Variants in RNASEH1 observed in about 807,000 individuals in gnomAD.
The protein encoded by RNASEH1 is ribonuclease H type II.
In RNASEH1, 27 loss-of-function variants were observed where a neutral mutation model predicts 34.6. The observed-to-expected ratio is 0.78, with a 90% CI of 0.58 to 1.08. The LOEUF (loss-of-function observed/expected upper bound fraction) is 1.08. Ranked by LOEUF, RNASEH1 falls within the 50% of genes least tolerant of loss-of-function variation. The pLI is 0.00. For synonymous variants in RNASEH1, 162 were observed against 138.4 expected (o/e 1.17, Z -1.20); for missense variants, 349 against 373.6 (o/e 0.93, Z 0.54).
intron 4 of RNASEH1, 70 bp downstream of exon 4, chr2:3,550,296 ACAATGAG>A: frequency 8.2e-7 from 1 of 1,222,734 alleles, no homozygotes. Context: ...CAATAATCAA[ACAATGAG>A]CAGATCCCGC....
rs1449205532 is a variant in RNASEH1, at chr2:3,556,769, C to G, written c.244+20G>C. On this transcript the variant is annotated intron_variant, in intron 2 of 7. Coordinates refer to ENST00000315212, the MANE Select transcript of RNASEH1 (RefSeq NM_002936.6). ...CCTTTGAATAGGTTAAAATGTCACA[C>G]TGATATGAGAGGTGACTACCTTCTG... The G allele has an allele frequency of 5.2e-6, 8 of 1,528,798 alleles. No individual in the cohort carries two copies. Among genetic ancestry groups the G allele is most frequent in the Non-Finnish European group, 7.3e-6 (8 of 1,102,230 alleles). The allele number at this position is 1,528,798 out of a possible 1,614,324, so 94.7% of individuals were successfully genotyped here. A position where few individuals can be genotyped will look rare whatever the true frequency, so the allele number is the denominator to read the frequency against.
rs1285400888 is a variant in RNASEH1 at position 3,544,755 on chromosome 2, A to T, written c.*1030T>A. 1.3e-5 allele frequency: 2 copies of T among 152,174 alleles called. No homozygotes were observed. The highest frequency in any genetic ancestry group is 3.9e-4 in the East Asian group (2 of 5,174). The allele number at this position is 152,174 out of a possible 1,614,324, so 9.4% of individuals were successfully genotyped here. On this transcript the variant is annotated 3_prime_UTR_variant, in exon 8 of 8. Coordinates refer to ENST00000315212, the MANE Select transcript of RNASEH1 (RefSeq NM_002936.6). Reference sequence around the variant, plus strand: ...AATAAAAAGGTTTAAAACTAAATAAATAATCATGTCAAACTTTTACTACTT... The same window carrying T: ...AATAAAAAGGTTTAAAACTAAATAATTAATCATGTCAAACTTTTACTACTT...
chr2:3,553,660 G>A (rs1028738733), intron 2 of RNASEH1, among the ~76,000 whole-genome samples: 7 of 152,142 alleles, frequency 4.6e-5, no homozygotes, highest in South Asian at 2.1e-4. Flanking sequence ...ACAGTGCTGG[G>A]ATTACAGGCG....
the RNASEH1 span, chr2:3,533,041 C>T: frequency 6.6e-6 from 1 of 152,252 alleles, no homozygotes; most frequent in African/African-American, 2.4e-5. Context: ...AAAATGTCAC[C>T]CGGGCCTTTT....
chr2:3,552,149 T>A lies in RNASEH1; in HGVS notation c.404A>T (p.Tyr135Phe). Residue 135 changes from tyrosine to phenylalanine, a missense_variant, in exon 3 of 8, where the codon TAC becomes TTC. By Grantham distance (22) the Tyr-to-Phe change is conservative. This residue lies in a region of RNASEH1 where 256 missense variants were observed against 240.7 expected (regional missense o/e 1.06). Coordinates refer to ENST00000315212, the MANE Select transcript of RNASEH1 (RefSeq NM_002936.6). Reference protein sequence around the residue: ...APPVSRDTFSYMGDFVVVYTD... With the variant: ...APPVSRDTFSFMGDFVVVYTD... ...AAAACCCAAGGAAGATGTACCCATGTAGGAAAACGTGTCTCTGCTAACTGG... is the reference window on the plus strand; with the variant it reads ...AAAACCCAAGGAAGATGTACCCATGAAGGAAAACGTGTCTCTGCTAACTGG... The A allele has an allele frequency of 6.2e-7, 1 of 1,608,404 alleles. No individual in the cohort carries two copies. The highest frequency in any genetic ancestry group is 8.5e-7 in the Non-Finnish European group (1 of 1,178,764).
chr2:3,539,290 C>T (rs1668162940), downstream of RNASEH1, among the ~76,000 whole-genome samples: 2 of 152,168 alleles, frequency 1.3e-5, no homozygotes, highest in East Asian at 1.9e-4. Flanking sequence ...CTGTCAGCTG[C>T]GGGCAGAGAC....
intron 6 of RNASEH1, 47 bp downstream of exon 6, chr2:3,548,593 C>T (rs748892766): frequency 1.2e-5 from 16 of 1,317,786 alleles, no homozygotes; most frequent in Non-Finnish European, 1.6e-5. Flanking sequence ...ACCAATTTCC[C>T]TTCACAGTTA....
chr2:3,549,091 A>T lies in RNASEH1; in HGVS notation c.531T>A (p.Pro177=). 6.2e-7 allele frequency: 1 copy of T among 1,613,728 alleles called. No homozygotes were observed. The change falls in exon 5 of 8, where the codon CCT becomes CCA. Residue 177 remains proline, a synonymous_variant. Coordinates refer to ENST00000315212, the MANE Select transcript of RNASEH1 (RefSeq NM_002936.6). Reference sequence around the variant, plus strand: ...CCGCTCTTTGGTTTGTCTGCCGCCCAGGAAGTCTAATGCCTACATTTCTGT... The same window carrying T: ...CCGCTCTTTGGTTTGTCTGCCGCCCTGGAAGTCTAATGCCTACATTTCTGT... ...GHPLNVGIRL[P]GRQTNQRAEI...
Position 3,552,454 on chromosome 2 carries a change from A to G in RNASEH1, c.245-146T>C, listed in dbSNP as rs541272491. The G allele has an allele frequency of 4.8e-5, 35 of 726,146 alleles. No homozygotes were observed. In the African/African-American group the frequency reaches 5.5e-4, roughly 11 times the overall value. 45.0% of individuals were successfully genotyped at this position (726,146 alleles called of 1,614,324 possible). ...ATGTGGCCCTACAACGAGGGAAACG[A>G]GGGAATGACCCCCTCCACGCCATCT... On this transcript the variant is annotated intron_variant, in intron 2 of 7. Transcript: ENST00000315212.
At chr2:3,535,637 T>TG in the RNASEH1 span, among the ~76,000 whole-genome samples, 1 of 147,292 alleles carries the variant, frequency 6.8e-6, no homozygotes, top group African/African-American at 2.5e-5. Flanking sequence ...AGGTGAGGTG[T>TG]GGGGTGGGGA....
chr2:3,549,337 G>T (rs1358978474), intron 4 of RNASEH1, among the ~76,000 whole-genome samples: 1 of 152,212 alleles, frequency 6.6e-6, no homozygotes, highest in Admixed American at 6.5e-5. Context: ...GTAAAAGCTG[G>T]TTCTCTGCGG....
chr2:3,548,968 G>T, intron 5 of RNASEH1, 90 bp downstream of exon 5: 2 of 1,066,986 alleles, frequency 1.9e-6, no homozygotes, highest in Non-Finnish European at 2.9e-6. Context: ...TATCTTATAT[G>T]TATAGGTAGA....
In RNASEH1 at chr2:3,548,516, C is replaced by T. The variant is rs963268074; in HGVS notation, c.649+124G>A. 3.0e-5 allele frequency: 19 copies of T among 631,132 alleles called. No homozygotes were observed. In the African/African-American group the frequency reaches 3.1e-4, roughly 10 times the overall value. The allele number at this position is 631,132 out of a possible 1,614,324, so 39.1% of individuals were successfully genotyped here. A position where few individuals can be genotyped will look rare whatever the true frequency, so the allele number is the denominator to read the frequency against. On this transcript the variant is annotated intron_variant, in intron 6 of 7. Transcript: ENST00000315212. ...GACTCCAAAATCCTCACTCTTTGCT[C>T]GGTACCTGACAAACCAATGTCATCC... is the stretch of plus-strand genomic sequence containing the variant.
chr2:3,554,633 T>C (rs1244917108), intron 2 of RNASEH1, among the ~76,000 whole-genome samples: 3 of 152,180 alleles, frequency 2.0e-5, no homozygotes, highest in Non-Finnish European at 4.4e-5. Context: ...TTTAAAGAAG[T>C]AGATTCAAAA....
intron 7 of RNASEH1, among the ~76,000 whole-genome samples, chr2:3,546,877 C>CT (rs1668802646): frequency 6.6e-6 from 1 of 152,176 alleles, no homozygotes; most frequent in South Asian, 2.1e-4. Context: ...AATCCCAGCA[C>CT]TTTGAGAGGC....
intron 2 of RNASEH1, among the ~76,000 whole-genome samples, chr2:3,556,297 T>C (rs923550689): frequency 8.0e-5 from 12 of 150,634 alleles, no homozygotes; most frequent in Non-Finnish European, 1.6e-4. Context: ...TCCAGTCCAA[T>C]AACTATGTAA....
chr2:3,558,252 C>T lies in RNASEH1; in HGVS notation c.9G>A (p.Trp3Ter), dbSNP rs762669892. Residue 3 changes from tryptophan to a stop codon, truncating the protein, a stop_gained, in exon 1 of 8, where the codon TGG (tryptophan) becomes TGA (stop). Coordinates refer to ENST00000315212, the MANE Select transcript of RNASEH1 (RefSeq NM_002936.6). LOFTEE classifies it high-confidence loss of function. MS[W>*]LLFLAHRVAL... ...CGACTCTGTGGGCCAGGAACAGAAG[C>T]CAGCTCATCGCTCACTCCCGGCACC... 2 of 1,587,576 alleles carry T rather than the reference C, an allele frequency of 1.3e-6. No individual in the cohort carries two copies. Among genetic ancestry groups the T allele is most frequent in the South Asian group, 1.1e-5 (1 of 87,692 alleles).
At chr2:3,541,053 G>C (rs1026155398), downstream of RNASEH1, among the ~76,000 whole-genome samples, 5 of 152,254 alleles carry the variant, frequency 3.3e-5, no homozygotes, top group African/African-American at 1.2e-4. Context: ...GCACACACCA[G>C]CTGGCTGGGC....
At chr2:3,555,701 C>T (rs189222501) in intron 2 of RNASEH1, among the ~76,000 whole-genome samples, 20 of 152,174 alleles carry the variant, frequency 1.3e-4, no homozygotes, top group African/African-American at 2.2e-4. Flanking sequence ...GTAACATTCA[C>T]GTAAGATCAC....
Sources: gnomAD v4.1 joint callset for allele counts (sites outside exome capture counted in the v4.1 genomes callset) on GRCh38, gnomAD v4.1.1 for gene constraint, gnomAD v4.1.1 regional missense constraint, MANE v1.5 for transcripts, NCBI Gene and HGNC (gene_info 2026-07-23, HGNC 2026-07-21) for gene names.